Variants in RYR2 observed in about 807,000 individuals in gnomAD.
The protein encoded by RYR2 is ryanodine receptor 2.
In RYR2, 227 loss-of-function variants were observed where a neutral mutation model predicts 601.1. The observed-to-expected ratio is 0.38, with a 90% confidence interval of 0.34 to 0.42. The LOEUF (loss-of-function observed/expected upper bound fraction) is 0.42. Ranked by LOEUF, RYR2 falls within the 10% of genes least tolerant of loss-of-function variation. RYR2 has a pLI of 1.00. For synonymous variants in RYR2, 2,223 were observed against 2,175.1 expected (o/e 1.02, Z -0.61); for missense variants, 4,646 against 6,156.5 (o/e 0.75, Z 8.21).
chr1:237,833,004 C>G lies in RYR2; in HGVS notation c.*357C>G. On this transcript the variant is annotated 3_prime_UTR_variant, in exon 105 of 105. Transcript: ENST00000366574. ...GAGACACGTGGCAGCCACACTCACC[C>G]AGCCTCTTTATTTCACCATCCTGGA... 2.8e-5 allele frequency: 5 copies of G among 176,202 alleles called. No individual in the cohort carries two copies. Among genetic ancestry groups the G allele is most frequent in the South Asian group, 3.0e-4 (2 of 6,760 alleles). The allele number at this position is 176,202 out of a possible 1,614,324, so 10.9% of individuals were successfully genotyped here.
chr1:237,210,800 G>T (rs1470228787), intron 1 of RYR2, among the ~76,000 whole-genome samples: 1 of 152,180 alleles, frequency 6.6e-6, no homozygotes, highest in African/African-American at 2.4e-5. Flanking sequence ...AGATTCCTAG[G>T]GAAGGCAGCA....
At chr1:237,144,127 T>C (rs533581890) in intron 1 of RYR2, among the ~76,000 whole-genome samples, 43 of 150,800 alleles carry the variant, frequency 2.9e-4, no homozygotes, top group African/African-American at 1.0e-3. Context: ...AGACTCTGTC[T>C]CAAAAAAGAA....
chr1:237,615,983 G>T (rs1013359579), intron 37 of RYR2, among the ~76,000 whole-genome samples: 7 of 151,098 alleles, frequency 4.6e-5, no homozygotes, highest in African/African-American at 2.5e-5. Flanking sequence ...GCCCAGCAAA[G>T]GTCCTGAGGC....
intron 80 of RYR2, among the ~76,000 whole-genome samples, chr1:237,754,307 G>C (rs1692768704): frequency 6.6e-6 from 1 of 152,082 alleles, no homozygotes; most frequent in South Asian, 2.1e-4. Context: ...GTCCTTGTAA[G>C]GTTCATACAT....
intron 1 of RYR2, among the ~76,000 whole-genome samples, chr1:237,190,663 G>T (rs1679876860): frequency 6.6e-6 from 1 of 152,134 alleles, no homozygotes; most frequent in Non-Finnish European, 1.5e-5. Context: ...CAGTCACATG[G>T]TATTAGGTAT....
rs16835729 is a variant in RYR2 at position 237,757,631 on chromosome 1, G to A, written c.11246-66G>A. The A allele has an allele frequency of 5.5e-3, 5,455 of 999,622 alleles. 169 individuals carry two copies. The African/African-American group carries it at 0.071, about 13-fold the overall frequency. 61.9% of individuals were successfully genotyped at this position (999,622 alleles called of 1,614,324 possible). A position where few individuals can be genotyped will look rare whatever the true frequency, so the allele number is the denominator to read the frequency against. Reference sequence around the variant, plus strand: ...TAATAATTTTAAAAGTGCAGCATTGGAGGTAGAATAGGTTAATATAGAAGG... The same window carrying A: ...TAATAATTTTAAAAGTGCAGCATTGAAGGTAGAATAGGTTAATATAGAAGG... On this transcript the variant is annotated intron_variant, in intron 81 of 104. Coordinates refer to ENST00000366574, the MANE Select transcript of RYR2 (RefSeq NM_001035.3).
intron 17 of RYR2, among the ~76,000 whole-genome samples, chr1:237,482,145 G>C (rs1470129707): frequency 6.6e-6 from 1 of 152,114 alleles, no homozygotes; most frequent in Non-Finnish European, 1.5e-5. Context: ...TGGAGAATGG[G>C]TTATCCATCC....
At chr1:237,234,262 C>T (rs979763073) in intron 1 of RYR2, among the ~76,000 whole-genome samples, 12 of 152,132 alleles carry the variant, frequency 7.9e-5, no homozygotes, top group African/African-American at 2.9e-4. Context: ...ATAACAAGGT[C>T]ATGGAATCAT....
chr1:237,546,129 T>TA (rs911325975), intron 25 of RYR2, among the ~76,000 whole-genome samples: 32 of 151,880 alleles, frequency 2.1e-4, no homozygotes, highest in African/African-American at 4.8e-4. Flanking sequence ...TAGAAGTTGT[T>TA]AAAAAAAATT....
chr1:237,228,863 A>T (rs954076743), intron 1 of RYR2, among the ~76,000 whole-genome samples: 1 of 152,180 alleles, frequency 6.6e-6, no homozygotes, highest in Non-Finnish European at 1.5e-5. Flanking sequence ...TGGTTTTTGA[A>T]TGCTTGTTTG....
intron 2 of RYR2, among the ~76,000 whole-genome samples, chr1:237,318,610 T>C (rs1029685888): frequency 2.6e-5 from 4 of 152,172 alleles, no homozygotes; most frequent in Non-Finnish European, 5.9e-5. Context: ...GTTTTTTTTC[T>C]TTTGGTTCTT....
intron 1 of RYR2, among the ~76,000 whole-genome samples, chr1:237,176,302 AT>A (rs11341149): frequency 0.16 from 23,373 of 147,432 alleles, 2,748 homozygotes; most frequent in African/African-American, 0.33. Context: ...ATAAATATAT[AT>A]TTTTTTATTA....
intron 25 of RYR2, among the ~76,000 whole-genome samples, chr1:237,544,463 TG>T (rs1317530222): frequency 6.6e-6 from 1 of 152,152 alleles, no homozygotes; most frequent in African/African-American, 2.4e-5. Flanking sequence ...CCCATTTTGG[TG>T]GCTATAAAAT....
At chr1:237,785,528 A>G (rs1390572460) in intron 90 of RYR2, among the ~76,000 whole-genome samples, 2 of 152,228 alleles carry the variant, frequency 1.3e-5, no homozygotes, top group South Asian at 2.1e-4. Flanking sequence ...TAAAACTAAC[A>G]CACATGAAGA....
chr1:237,336,825 C>T (rs2149593927), intron 3 of RYR2, among the ~76,000 whole-genome samples: 1 of 151,616 alleles, frequency 6.6e-6, no homozygotes, highest in East Asian at 1.9e-4. Flanking sequence ...CCACTGTTCT[C>T]CAGCCTGGGC....
chr1:237,103,011 A>T (rs6701985), intron 1 of RYR2, among the ~76,000 whole-genome samples: 83 of 152,262 alleles, frequency 5.5e-4, no homozygotes, highest in African/African-American at 1.9e-3. Flanking sequence ...CTTATGAAAC[A>T]GAAACTCCAC....
At position 237,445,477 on chromosome 1, in the gene RYR2, C is replaced by G. The variant is rs1439185932; in HGVS notation, c.1247C>G (p.Ala416Gly). ...TCCCAGCATGAAGAATCACGCACAG[C>G]CCGAGTTATCCGGAGCACAGTCTTC... is the stretch of plus-strand genomic sequence containing the variant. ...SRSQHEESRT[A>G]RVIRSTVFLF... The change falls in exon 14 of 105, where the codon GCC becomes GGC. Residue 416 changes from alanine (A) to glycine (G), a missense_variant. Around this residue, in one of 17 missense-constraint regions of RYR2, gnomAD observed 1,807 missense variants for 2,088.1 expected, o/e 0.87. Coordinates refer to ENST00000366574, the MANE Select transcript of RYR2 (RefSeq NM_001035.3). 1 of 1,613,696 alleles carries G rather than the reference C, an allele frequency of 6.2e-7. No individual in the cohort carries two copies. Among genetic ancestry groups the G allele is most frequent in the Non-Finnish European group, 8.5e-7 (1 of 1,179,696 alleles).
At chr1:237,749,721 G>C (rs1323713844) in intron 80 of RYR2, among the ~76,000 whole-genome samples, 1 of 152,174 alleles carries the variant, frequency 6.6e-6, no homozygotes, top group Non-Finnish European at 1.5e-5. Flanking sequence ...CAATTTCGCA[G>C]TTTCTCTAAT....
intron 73 of RYR2, among the ~76,000 whole-genome samples, chr1:237,722,654 C>T (rs757110960): frequency 2.0e-5 from 3 of 152,070 alleles, no homozygotes; most frequent in Non-Finnish European, 4.4e-5. Context: ...AGGACGGTCT[C>T]GATCTGCTGA....
Sources: allele counts gnomAD v4.1 joint callset (sites outside exome capture counted in the v4.1 genomes callset), GRCh38; gene constraint gnomAD v4.1.1; regional missense constraint gnomAD v4.1.1; transcripts MANE v1.5; gene names NCBI Gene and HGNC (gene_info 2026-07-23, HGNC 2026-07-21).